Variants in TOR1AIP2 observed in about 807,000 individuals in gnomAD.
TOR1AIP2 encodes the protein torsin-1A-interacting protein 2.
TOR1AIP2 carries 20 observed loss-of-function variants against 32.6 expected under a neutral mutation model. The observed-to-expected ratio is 0.61, with a 90% CI of 0.43 to 0.89. TOR1AIP2 has a LOEUF of 0.89. Among genes scored for constraint, TOR1AIP2 ranks in the 40% least tolerant of loss-of-function variants. The pLI is 0.00. For synonymous variants in TOR1AIP2, 214 were observed against 210.8 expected (o/e 1.02, Z -0.13); for missense variants, 456 against 553.8 (o/e 0.82, Z 1.77).
intron 2 of TOR1AIP2, among the ~76,000 whole-genome samples, chr1:179,871,036 C>A (rs1696993225): frequency 2.6e-5 from 4 of 152,244 alleles, no homozygotes; most frequent in Admixed American, 2.6e-4. Flanking sequence ...AGACTGGAAC[C>A]AGTGATTTAG....
chr1:179,869,857 A>G (rs1423859331), intron 2 of TOR1AIP2, among the ~76,000 whole-genome samples: 1 of 152,246 alleles, frequency 6.6e-6, no homozygotes, highest in Non-Finnish European at 1.5e-5. Flanking sequence ...GCAGGATATT[A>G]AACAGTATAC....
At chr1:179,859,807 A>C (rs1053718961) in intron 3 of TOR1AIP2, 1 of 985,362 alleles carries the variant, frequency 1.0e-6, no homozygotes, top group Admixed American at 6.2e-5. Context: ...CCTGTCCTTC[A>C]TCAGGAGAGA....
At position 179,854,769 on chromosome 1, in the gene TOR1AIP2, G is replaced by A. The variant is rs141792954; in HGVS notation, c.-146-1958C>T. Among the ~76,000 whole-genome samples the A allele has an allele frequency of 5.4e-4, 82 of 152,294 alleles. No homozygotes were observed. The East Asian group carries it at 0.015, about 28-fold the overall frequency. On this transcript the variant is annotated intron_variant, in intron 3 of 6. Transcript: ENST00000609928. ...GCCTGTAATCCCAGCTACTCAGGAG[G>A]CTGAGGCAAGAGAATCGTTTGAACC...
intron 3 of TOR1AIP2, chr1:179,863,273 T>A (rs1359177308): frequency 1.7e-5 from 16 of 928,166 alleles, no homozygotes; most frequent in Non-Finnish European, 1.9e-5. Flanking sequence ...ATGGAGGCAA[T>A]GTGGCCTACC....
At chr1:179,856,530 A>G (rs1558015487) in intron 3 of TOR1AIP2, among the ~76,000 whole-genome samples, 2 of 152,206 alleles carry the variant, frequency 1.3e-5, no homozygotes. Context: ...GAAGTGGGAC[A>G]AACAAGGAAG....
chr1:179,856,007 C>T (rs1479517919), intron 3 of TOR1AIP2, among the ~76,000 whole-genome samples: 2 of 151,670 alleles, frequency 1.3e-5, no homozygotes, highest in Non-Finnish European at 2.9e-5. Flanking sequence ...GGTGAAACCT[C>T]ATCTCTACAA....
At chr1:179,869,897 G>C (rs1696944918) in intron 2 of TOR1AIP2, among the ~76,000 whole-genome samples, 1 of 152,176 alleles carries the variant, frequency 6.6e-6, no homozygotes, top group African/African-American at 2.4e-5. Flanking sequence ...ATAACACTTA[G>C]TAGCTAACAC....
At chr1:179,861,811 T>C in intron 3 of TOR1AIP2, 1 of 981,018 alleles carries the variant, frequency 1.0e-6, no homozygotes, top group Non-Finnish European at 1.2e-6. Context: ...CAAAGTATGG[T>C]CTAGAGAGCA....
intron 2 of TOR1AIP2, among the ~76,000 whole-genome samples, chr1:179,866,899 T>A (rs1696806059): frequency 6.6e-6 from 1 of 151,840 alleles, no homozygotes; most frequent in African/African-American, 2.4e-5. Context: ...GACAGTAGGA[T>A]GTATGGAGCA....
intron 5 of TOR1AIP2, among the ~76,000 whole-genome samples, chr1:179,849,030 G>A (rs1482720302): frequency 6.6e-6 from 1 of 152,126 alleles, no homozygotes; most frequent in African/African-American, 2.4e-5. Flanking sequence ...CAGCTACTCG[G>A]GAGGCTGAGG....
intron 2 of TOR1AIP2, chr1:179,868,685 A>G (rs1696892156): frequency 6.6e-6 from 1 of 152,214 alleles, no homozygotes; most frequent in African/African-American, 2.4e-5. Context: ...TTGCTGTACA[A>G]TAGGATACTG....
chr1:179,867,349 G>A (rs1005904288), intron 2 of TOR1AIP2, among the ~76,000 whole-genome samples: 1 of 152,078 alleles, frequency 6.6e-6, no homozygotes, highest in Admixed American at 6.6e-5. Context: ...CTTGGTTTCC[G>A]ACTCAATGAC....
Position 179,846,249 on chromosome 1 carries a change from C to T in TOR1AIP2, c.1235G>A (p.Arg412Lys), listed in dbSNP as rs1476172328. 2 of 1,614,170 alleles carry T rather than the reference C, an allele frequency of 1.2e-6. No homozygotes were observed. Among genetic ancestry groups the T allele is most frequent in the Non-Finnish European group, 1.7e-6 (2 of 1,180,048 alleles). Residue 412 changes from arginine to lysine, a missense_variant, in exon 7 of 7, where the codon AGG becomes AAG. By Grantham distance (26) the Arg-to-Lys change is conservative. Coordinates refer to ENST00000609928, the MANE Select transcript of TOR1AIP2 (RefSeq NM_001199260.2). ...GTCTCTCACTTTTTCTTCCGTTTCC[C>T]TTGGGCCTACACTTGCTTCTAATGT... is the stretch of plus-strand genomic sequence containing the variant. ...EETLEASVGP[R>K]ETEEKVRDLL...
intron 2 of TOR1AIP2, chr1:179,868,797 T>A (rs1347634820): frequency 6.6e-6 from 1 of 152,192 alleles, no homozygotes; most frequent in Non-Finnish European, 1.5e-5. Flanking sequence ...TTATATAAAC[T>A]TTCCACTTAC....
intron 3 of TOR1AIP2, chr1:179,862,741 A>G: frequency 1.5e-6 from 1 of 676,396 alleles, no homozygotes; most frequent in South Asian, 6.5e-5. Context: ...CAGCCTGGCC[A>G]ACATGGTGAA....
At chr1:179,862,971 A>C (rs1571684860) in intron 3 of TOR1AIP2, 1 of 153,340 alleles carries the variant, frequency 6.5e-6, no homozygotes, top group Non-Finnish European at 1.4e-5. Flanking sequence ...TCATGCCTGT[A>C]ATCCCAGCAC....
At chr1:179,861,561 C>G (rs1010121674) in intron 3 of TOR1AIP2, 1 of 985,338 alleles carries the variant, frequency 1.0e-6, no homozygotes. Flanking sequence ...TATAATGACA[C>G]TGAACAAAAC....
Position 179,844,826 on chromosome 1 carries a change from G to A in TOR1AIP2, c.*1245C>T, listed in dbSNP as rs1695840777. 1 of 152,022 alleles carries A rather than the reference G, an allele frequency of 6.6e-6. No homozygotes were observed. The highest frequency in any genetic ancestry group is 6.6e-5 in the Admixed American group (1 of 15,260). The allele number at this position is 152,022 out of a possible 1,614,324, so 9.4% of individuals were successfully genotyped here. On this transcript the variant is annotated 3_prime_UTR_variant, in exon 7 of 7. Transcript: ENST00000609928. ...ATAAACTGGTAAAGTTATGCCAAAT[G>A]TTCATATAAAATTTACTATTAAATT...
intron 2 of TOR1AIP2, chr1:179,868,524 A>G (rs549456373): frequency 9.8e-5 from 15 of 152,350 alleles, no homozygotes; most frequent in African/African-American, 3.4e-4. Context: ...TGCATTTCCT[A>G]TAACTCAGCA....
Sources: gnomAD v4.1 joint callset for allele counts (sites outside exome capture counted in the v4.1 genomes callset) on GRCh38, gnomAD v4.1.1 for gene constraint, MANE v1.5 for transcripts, NCBI Gene and HGNC (gene_info 2026-07-23, HGNC 2026-07-21) for gene names.